The following ZNF33B variants were observed in gnomAD, a reference collection of about 807,000 sequenced individuals.
ZNF33B encodes the protein zinc finger protein 33B.
In ZNF33B, 29 loss-of-function variants were observed where a neutral mutation model predicts 45.8. The ratio of observed to expected loss-of-function variants is 0.63; its 90% confidence interval spans 0.47 to 0.86. The LOEUF (loss-of-function observed/expected upper bound fraction) is 0.86. ZNF33B is among the 40% of genes least tolerant of loss of function. The pLI is 0.00. For synonymous variants in ZNF33B, 305 were observed against 307.8 expected, an observed-to-expected ratio of 0.99 and a Z score of 0.10; for missense variants, 831 against 909.9, an observed-to-expected ratio of 0.91 and a Z score of 1.12.
chr10:42,597,763 TAGAC>T (rs1314675481), intron 4 of ZNF33B, among the ~76,000 whole-genome samples: 1 of 152,162 alleles, frequency 6.6e-6, no homozygotes, highest in African/African-American at 2.4e-5. Context: ...TTGGTATATA[TAGAC>T]AAAGACTGGA....
intron 4 of ZNF33B, among the ~76,000 whole-genome samples, chr10:42,631,272 C>T (rs1794308070): frequency 6.6e-6 from 1 of 152,050 alleles, no homozygotes; most frequent in African/African-American, 2.4e-5. Flanking sequence ...GTGGTGCAAT[C>T]TCAGCTCACT....
In ZNF33B at chr10:42,592,459, T is replaced by C; in HGVS notation, c.*154A>G. The C allele has an allele frequency of 2.7e-6, 3 of 1,091,598 alleles. No individual in the cohort carries two copies. The highest frequency in any genetic ancestry group is 4.0e-6 in the Non-Finnish European group (3 of 756,794). The allele number at this position is 1,091,598 out of a possible 1,614,324, so 67.6% of individuals were successfully genotyped here. ...GCCATCCTATAGTTGTTGTAGTCTA[T>C]GGGTTTATCCCCTACTGTTACTTTG... On this transcript the variant is annotated 3_prime_UTR_variant, in exon 5 of 5. Transcript: ENST00000359467.
At position 42,636,848 on chromosome 10, in the gene ZNF33B, A is replaced by T. The variant is rs868642377; in HGVS notation, c.9+72T>A. On this transcript the variant is annotated intron_variant, in intron 2 of 4. Coordinates refer to ENST00000359467, the MANE Select transcript of ZNF33B (RefSeq NM_006955.3). ...ATGTCACAAACAAAACAAAACAAAA[A>T]AACCATACTGACTCTTACAAATCTC... The T allele has an allele frequency of 2.2e-5, 36 of 1,606,744 alleles. No individual in the cohort carries two copies. The South Asian group carries it at 3.6e-4, about 16-fold the overall frequency.
chr10:42,578,982 C>A (rs1211935412), intron 1 of ZNF33B, among the ~76,000 whole-genome samples: 1 of 152,118 alleles, frequency 6.6e-6, no homozygotes, highest in Non-Finnish European at 1.5e-5. Flanking sequence ...CCCTGGGAAC[C>A]AGTTTGCTAC....
chr10:42,621,289 G>A (rs374479968), intron 4 of ZNF33B, among the ~76,000 whole-genome samples: 2 of 151,754 alleles, frequency 1.3e-5, no homozygotes, highest in East Asian at 3.9e-4. Flanking sequence ...CCATAATTGT[G>A]CCACTGCACT....
chr10:42,594,705 A>G lies in ZNF33B; in HGVS notation c.251-6T>C, dbSNP rs372644158. ...GTGATCAGCTGTCCAGACTTCTACA[A>G]ACAAACAAAATTAATCTTACCATAT... is the stretch of plus-strand genomic sequence containing the variant. On this transcript the variant is annotated splice_polypyrimidine_tract_variant and splice_region_variant and intron_variant, in intron 4 of 4. Transcript: ENST00000359467. The G allele has an allele frequency of 4.0e-5, 61 of 1,543,280 alleles. No individual in the cohort carries two copies. The African/African-American group carries it at 6.2e-4, about 16-fold the overall frequency.
chr10:42,593,485 T>G lies in ZNF33B; in HGVS notation c.1465A>C (p.Arg489=). ...TAAGGTTTATCTCCTATGTGAGTTCTCTGATGCTGTGTAAGATGTGACTTT... is the reference window on the plus strand; with the variant it reads ...TAAGGTTTATCTCCTATGTGAGTTCGCTGATGCTGTGTAAGATGTGACTTT... ...CQKSHLTQHQ[R]THIGDKPYEC... is the part of the protein sequence containing the mutation. Residue 489 remains arginine, a synonymous_variant, in exon 5 of 5, where the codon AGA becomes CGA. Coordinates refer to ENST00000359467, the MANE Select transcript of ZNF33B (RefSeq NM_006955.3). 6.2e-7 allele frequency: 1 copy of G among 1,614,118 alleles called. No individual in the cohort carries two copies. The highest frequency in any genetic ancestry group is 8.5e-7 in the Non-Finnish European group (1 of 1,179,990).
At chr10:42,611,770 T>C (rs1235653726) in intron 4 of ZNF33B, among the ~76,000 whole-genome samples, 1 of 152,210 alleles carries the variant, frequency 6.6e-6, no homozygotes, top group East Asian at 1.9e-4. Context: ...ATAACACAAC[T>C]ACATAATGAA....
Position 42,638,460 on chromosome 10 carries a change from C to G in ZNF33B, c.-45+14G>C, listed in dbSNP as rs1839447486. 2.5e-6 allele frequency: 1 copy of G among 393,282 alleles called. No individual in the cohort carries two copies. Among genetic ancestry groups the G allele is most frequent in the South Asian group, 1.9e-5 (1 of 52,296 alleles). 24.4% of individuals were successfully genotyped at this position (393,282 alleles called of 1,614,324 possible). A position where few individuals can be genotyped will look rare whatever the true frequency, so the allele number is the denominator to read the frequency against. On this transcript the variant is annotated intron_variant, in intron 1 of 4. Transcript: ENST00000359467. ...GGCCCCCTCTCCGTCCCTGCCCAAC[C>G]CGCGGAGGCTTACCTCACTCTCTCT...
chr10:42,593,512 G>C lies in ZNF33B; in HGVS notation c.1438C>G (p.Gln480Glu), dbSNP rs1232401111. 7.4e-6 allele frequency: 12 copies of C among 1,613,852 alleles called. No homozygotes were observed. Among genetic ancestry groups the C allele is most frequent in the Non-Finnish European group, 9.3e-6 (11 of 1,179,962 alleles). ...TGATGCTGTGTAAGATGTGACTTTT[G>C]ACAAAAGGATTTCCCACACTCAAGA... ...ECLECGKSFC[Q>E]KSHLTQHQRT... Residue 480 changes from glutamine to glutamate, a missense_variant, in exon 5 of 5, where the codon CAA becomes GAA. By Grantham distance (29) the Gln-to-Glu change is conservative. Transcript: ENST00000359467.
At chr10:42,575,173 A>C (rs568141493) in intron 1 of ZNF33B, among the ~76,000 whole-genome samples, 32 of 152,224 alleles carry the variant, frequency 2.1e-4, no homozygotes, top group Non-Finnish European at 4.4e-4. Context: ...GTTTCTCCAA[A>C]AGCTAGGACG....
chr10:42,586,951 G>A (rs1836948070), downstream of ZNF33B, among the ~76,000 whole-genome samples: 5 of 151,882 alleles, frequency 3.3e-5, no homozygotes, highest in South Asian at 1.0e-3. Flanking sequence ...TGAAAGGTGA[G>A]TATCCAGTAG....
rs1267018996 is a variant in ZNF33B at position 42,592,465 on chromosome 10, T to G, written c.*148A>C. On this transcript the variant is annotated 3_prime_UTR_variant, in exon 5 of 5. Transcript: ENST00000359467. ...CTATAGTTGTTGTAGTCTATGGGTT[T>G]ATCCCCTACTGTTACTTTGGAGTAA... is the stretch of plus-strand genomic sequence containing the variant. 1.7e-6 allele frequency: 2 copies of G among 1,153,400 alleles called. No individual in the cohort carries two copies. Among genetic ancestry groups the G allele is most frequent in the Non-Finnish European group, 2.5e-6 (2 of 808,872 alleles). The allele number at this position is 1,153,400 out of a possible 1,614,324, so 71.4% of individuals were successfully genotyped here.
At position 42,592,823 on chromosome 10, in the gene ZNF33B, T is replaced by C. The variant is rs1837191731; in HGVS notation, c.2127A>G (p.Thr709=). 2.5e-6 allele frequency: 4 copies of C among 1,614,156 alleles called. No homozygotes were observed. The highest frequency in any genetic ancestry group is 1.7e-6 in the Non-Finnish European group (2 of 1,179,996). ...CTCCTGTGTGAGCCCTGTGATGTAC[T>C]GTGAGTGATGATTTGTGACTGAAGG... ...GKSFSHKSSL[T]VHHRAHTGEK... The change falls in exon 5 of 5, where the codon ACA becomes ACG. Residue 709 remains threonine, a synonymous_variant. Coordinates refer to ENST00000359467, the MANE Select transcript of ZNF33B (RefSeq NM_006955.3).
At chr10:42,619,276 C>A (rs1838467496) in intron 4 of ZNF33B, among the ~76,000 whole-genome samples, 1 of 152,068 alleles carries the variant, frequency 6.6e-6, no homozygotes, top group African/African-American at 2.4e-5. Context: ...TACAAGAGAC[C>A]CTCATTAATA....
Position 42,593,201 on chromosome 10 carries a change from ACATT to A in ZNF33B, c.1745_1748del (p.Glu582ValfsTer14), listed in dbSNP as rs1837222876. The A allele has an allele frequency of 6.2e-7, 1 of 1,603,664 alleles. No individual in the cohort carries two copies. The highest frequency in any genetic ancestry group is 1.4e-5 in the African/African-American group (1 of 71,898). On this transcript the variant is annotated frameshift_variant, in exon 5 of 5. Transcript: ENST00000359467. LOFTEE classifies it high-confidence loss of function. ...TGTAAAAGATTTTTCCACATTCATG[ACATT>A]CATAGGGTTTCTCCCCCGTGTGTGT...
chr10:42,601,488 T>G (rs1005073041), intron 4 of ZNF33B, among the ~76,000 whole-genome samples: 13 of 144,588 alleles, frequency 9.0e-5, no homozygotes, highest in Admixed American at 8.3e-4. Flanking sequence ...TTTTTTTTTT[T>G]TTTTTGAGAC....
intron 4 of ZNF33B, among the ~76,000 whole-genome samples, chr10:42,603,773 G>A (rs1031886172): frequency 2.0e-5 from 3 of 148,604 alleles, no homozygotes; most frequent in African/African-American, 7.3e-5. Context: ...GGCTAACACA[G>A]CAATCACAGA....
At chr10:42,618,328 A>T (rs1247348053) in intron 4 of ZNF33B, among the ~76,000 whole-genome samples, 1 of 152,218 alleles carries the variant, frequency 6.6e-6, no homozygotes, top group Non-Finnish European at 1.5e-5. Flanking sequence ...GACACACTAC[A>T]CATTATTTAT....
Sources: gnomAD v4.1 joint callset for allele counts (sites outside exome capture counted in the v4.1 genomes callset) on GRCh38, gnomAD v4.1.1 for gene constraint, MANE v1.5 for transcripts, NCBI Gene and HGNC (gene_info 2026-07-23, HGNC 2026-07-21) for gene names.